Variants in EXD3 observed in about 807,000 individuals in gnomAD.
EXD3 encodes exonuclease mut-7 homolog.
Under a neutral mutation model 98.0 loss-of-function variants are expected in EXD3, and 92 were observed. That is an observed-to-expected ratio of 0.94 (90% CI 0.79 to 1.12). The LOEUF (loss-of-function observed/expected upper bound fraction) is 1.12. Ranked by LOEUF, EXD3 falls within the 50% of genes most tolerant of loss-of-function variation. EXD3 has a pLI of 0.00. For synonymous variants in EXD3, 569 were observed against 526.0 expected (o/e 1.08, Z -1.12); for missense variants, 1,222 against 1,191.6 (o/e 1.03, Z -0.38).
intron 16 of EXD3, among the ~76,000 whole-genome samples, chr9:137,348,449 G>T (rs532860903): frequency 1.4e-5 from 2 of 139,918 alleles, no homozygotes; most frequent in South Asian, 2.4e-4. Flanking sequence ...TGCTGGGGGG[G>T]CTCCACGTGT....
At chr9:137,323,979 C>A in intron 18 of EXD3, 111 bp downstream of exon 18, 2 of 1,525,798 alleles carry the variant, frequency 1.3e-6, no homozygotes, top group Non-Finnish European at 1.8e-6. Context: ...ACGGCAGAGG[C>A]GCTGGGGGTC....
chr9:137,307,905 G>A (rs113307714), intron 20 of EXD3, among the ~76,000 whole-genome samples: 23 of 152,202 alleles, frequency 1.5e-4, no homozygotes, highest in Admixed American at 3.3e-4. Flanking sequence ...TGTTCTAGGC[G>A]CGAGATCTGC....
At chr9:137,389,067 G>A (rs368032177) in intron 2 of EXD3, among the ~76,000 whole-genome samples, 48 of 152,292 alleles carry the variant, frequency 3.2e-4, no homozygotes, top group African/African-American at 1.1e-3. Context: ...CCTCTGCCAC[G>A]AGTCTGTCTC....
chr9:137,336,926 A>G (rs73581523), intron 17 of EXD3, among the ~76,000 whole-genome samples: 2,332 of 152,296 alleles, frequency 0.015, 38 homozygotes, highest in African/African-American at 0.051. Context: ...AACAATAAAC[A>G]TAAAAGGACT....
intron 8 of EXD3, among the ~76,000 whole-genome samples, chr9:137,355,506 A>AG (rs754566578): frequency 5.6e-4 from 45 of 80,608 alleles, no homozygotes; most frequent in East Asian, 2.3e-3. Context: ...GGAAGGAGGA[A>AG]GGAGGAAGGA....
At position 137,317,912 on chromosome 9, in the gene EXD3, C is replaced by T. The variant is rs201069738; in HGVS notation, c.2184+5813G>A. On this transcript the variant is annotated intron_variant, in intron 19 of 21. Transcript: ENST00000340951. ...CAGGGAGGAGGTCCTTCTGTACCCT[C>T]TGTGCCTGTGTGACATGGGGGTGCC... Among the ~76,000 whole-genome samples the T allele has an allele frequency of 2.4e-4, 37 of 152,316 alleles. No individual in the cohort carries two copies. The East Asian group carries it at 6.6e-3, about 27-fold the overall frequency.
At chr9:137,402,278 T>C (rs1193109936) in intron 1 of EXD3, among the ~76,000 whole-genome samples, 1 of 152,172 alleles carries the variant, frequency 6.6e-6, no homozygotes, top group East Asian at 1.9e-4. Context: ...CCTCCCAAAG[T>C]GTGGGGATTA....
At chr9:137,363,194 A>T (rs1835069521) in intron 7 of EXD3, among the ~76,000 whole-genome samples, 1 of 150,818 alleles carries the variant, frequency 6.6e-6, no homozygotes, top group East Asian at 1.9e-4. Context: ...TCCTCATGAA[A>T]TATGTTGGAC....
chr9:137,312,891 C>T (rs1395929551), intron 19 of EXD3, among the ~76,000 whole-genome samples: 1 of 152,144 alleles, frequency 6.6e-6, no homozygotes, highest in African/African-American at 2.4e-5. Context: ...TGTGTGCCCA[C>T]CTGACCTGAC....
intron 7 of EXD3, among the ~76,000 whole-genome samples, chr9:137,358,923 C>T (rs113195364): frequency 1.1e-3 from 167 of 150,022 alleles, no homozygotes; most frequent in African/African-American, 3.7e-3. Context: ...TGGCCTTAAG[C>T]GATCCTCCCA....
At chr9:137,375,179 T>G (rs1835835965) in intron 3 of EXD3, among the ~76,000 whole-genome samples, 1 of 152,200 alleles carries the variant, frequency 6.6e-6, no homozygotes, top group South Asian at 2.1e-4. Context: ...TGGCTAATTT[T>G]TGTATTTTTA....
chr9:137,365,791 C>T (rs879334394), intron 7 of EXD3: 2 of 331,456 alleles, frequency 6.0e-6, no homozygotes, highest in Non-Finnish European at 1.2e-5. Flanking sequence ...ACACGTACAC[C>T]TGCAGGCACA....
At chr9:137,312,470 G>A (rs1831416465) in intron 19 of EXD3, among the ~76,000 whole-genome samples, 1 of 152,162 alleles carries the variant, frequency 6.6e-6, no homozygotes, top group South Asian at 2.1e-4. Flanking sequence ...TGGGCCACGA[G>A]CCCGTGGGCG....
intron 1 of EXD3, among the ~76,000 whole-genome samples, chr9:137,400,338 C>T (rs1837418710): frequency 6.6e-6 from 1 of 152,196 alleles, no homozygotes; most frequent in African/African-American, 2.4e-5. Flanking sequence ...CAACTGATTT[C>T]AGCATTAACC....
At position 137,373,520 on chromosome 9, in the gene EXD3, C is replaced by T. The variant is rs751328877; in HGVS notation, c.200G>A (p.Arg67Gln). Residue 67 changes from arginine (R) to glutamine (Q), a missense_variant, in exon 4 of 22, where the codon CGG becomes CAG. Coordinates refer to ENST00000340951, the MANE Select transcript of EXD3 (RefSeq NM_017820.5). ...AGLLDMLESC[R>Q]GQRGEGPSLA... The stretch of plus-strand genomic sequence containing the variant: ...GGAGGGGCCCTCTCCCCGCTGGCCC[C>T]GGCAGCTCTCCAGCATGTCCAGAAG... The T allele has an allele frequency of 2.5e-5, 40 of 1,604,384 alleles. No homozygotes were observed. Among genetic ancestry groups the T allele is most frequent in the East Asian group, 1.1e-4 (5 of 44,486 alleles).
At position 137,347,663 on chromosome 9, in the gene EXD3, C is replaced by T. The variant is rs1407788079; in HGVS notation, c.1998+408G>A. On this transcript the variant is annotated intron_variant, in intron 17 of 21. Coordinates refer to ENST00000340951, the MANE Select transcript of EXD3 (RefSeq NM_017820.5). The surrounding 1 kb of genome is among the most constrained non-coding windows in gnomAD (Gnocchi z 4.2). ...TTCACCATATTGGTCAGGCTGGTCT[C>T]CAACTCCTGGCCTCAAGTGATCCAC... 6.6e-6 allele frequency among the ~76,000 whole-genome samples: 1 copy of T among 151,998 alleles called. No individual in the cohort carries two copies. Among genetic ancestry groups the T allele is most frequent in the Non-Finnish European group, 1.5e-5 (1 of 68,000 alleles).
At chr9:137,411,836 G>A (rs1427106061) in intron 1 of EXD3, among the ~76,000 whole-genome samples, 5 of 152,150 alleles carry the variant, frequency 3.3e-5, no homozygotes, top group African/African-American at 4.8e-5. Flanking sequence ...CACCCAAGAC[G>A]GACTGGAAGC....
At chr9:137,389,306 G>T (rs1279342220) in intron 2 of EXD3, among the ~76,000 whole-genome samples, 1 of 149,560 alleles carries the variant, frequency 6.7e-6, no homozygotes, top group Non-Finnish European at 1.5e-5. Flanking sequence ...GAGGTGAAGG[G>T]GCTCCCGGAG....
intron 17 of EXD3, among the ~76,000 whole-genome samples, chr9:137,332,713 CG>C (rs1833147978): frequency 1.5e-5 from 2 of 135,372 alleles, no homozygotes; most frequent in Non-Finnish European, 3.2e-5. Flanking sequence ...TGCATGGTGG[CG>C]GGCGCCTGTA....
Sources: gnomAD v4.1 joint callset for allele counts (sites outside exome capture counted in the v4.1 genomes callset) on GRCh38, gnomAD v4.1.1 for gene constraint, Gnocchi (gnomAD v3.1) non-coding constraint, MANE v1.5 for transcripts, NCBI Gene and HGNC (gene_info 2026-07-23, HGNC 2026-07-21) for gene names.